The following LRP1B variants were observed in gnomAD, a reference collection of about 807,000 sequenced individuals.
LRP1B encodes the protein LDL receptor related protein 1B, also known as low-density lipoprotein receptor-related protein 1B.
Under a neutral mutation model 556.6 loss-of-function variants are expected in LRP1B, and 217 were observed. That is an observed-to-expected ratio of 0.39 (90% confidence interval 0.35 to 0.44). LRP1B has a LOEUF of 0.44. LRP1B is among the 20% of genes least tolerant of loss of function. The pLI is 1.00. For missense variants in LRP1B, 5,053 were observed against 5,620.8 expected, an observed-to-expected ratio of 0.90 and a Z score of 3.23; for synonymous variants, 2,047 against 1,865.8, an observed-to-expected ratio of 1.10 and a Z score of -2.50.
chr2:140,616,322 T>A (rs530116907), intron 41 of LRP1B, among the ~76,000 whole-genome samples: 1 of 152,056 alleles, frequency 6.6e-6, no homozygotes, highest in South Asian at 2.1e-4. Flanking sequence ...CTTAAGACAA[T>A]CACTTATATA....
intron 27 of LRP1B, among the ~76,000 whole-genome samples, chr2:140,865,087 T>G (rs1321732958): frequency 6.6e-6 from 1 of 152,056 alleles, no homozygotes; most frequent in East Asian, 1.9e-4. Flanking sequence ...TTGCATATGT[T>G]TAAGCTGTGG....
chr2:140,849,200 C>CAAAAAAAAAAAAAAAAAAAAAAA (rs70988447), intron 29 of LRP1B, among the ~76,000 whole-genome samples: 2 of 100,550 alleles, frequency 2.0e-5, no homozygotes, highest in Non-Finnish European at 1.9e-5. Context: ...ACTAAAAATA[C>CAAAAAAAAAAAAAAAAAAAAAAA]AAAAAAAAAA....
In LRP1B at chr2:141,452,877, C is replaced by T. The variant is rs1342404112; in HGVS notation, c.343+27519G>A. On this transcript the variant is annotated intron_variant, in intron 3 of 90. Coordinates refer to ENST00000389484, the MANE Select transcript of LRP1B (RefSeq NM_018557.3). ...TACTCTTTTACCATGGCTGTACTTC[C>T]TGGAGGTTATTGGATGACTATATTA... Among the ~76,000 whole-genome samples, 3 of 152,246 alleles carry T rather than the reference C, an allele frequency of 2.0e-5. No homozygotes were observed. In the East Asian group the frequency reaches 5.8e-4, roughly 29 times the overall value.
chr2:141,904,978 T>C (rs1454185792), intron 1 of LRP1B, among the ~76,000 whole-genome samples: 1 of 151,956 alleles, frequency 6.6e-6, no homozygotes, highest in African/African-American at 2.4e-5. Flanking sequence ...CTAATTAGAC[T>C]GAATTAAGGA....
At chr2:140,908,981 T>C (rs1254927677) in intron 21 of LRP1B, among the ~76,000 whole-genome samples, 1 of 152,142 alleles carries the variant, frequency 6.6e-6, no homozygotes, top group Non-Finnish European at 1.5e-5. Flanking sequence ...GTATTTTTAG[T>C]AGAGATGGGG....
intron 33 of LRP1B, among the ~76,000 whole-genome samples, chr2:140,771,964 T>C (rs1689327683): frequency 6.6e-6 from 1 of 152,156 alleles, no homozygotes. Flanking sequence ...GATGGTCTGA[T>C]GAGATTTAAT....
chr2:141,466,987 C>A (rs2105058253), intron 3 of LRP1B, among the ~76,000 whole-genome samples: 1 of 142,632 alleles, frequency 7.0e-6, no homozygotes, highest in East Asian at 2.1e-4. Flanking sequence ...AACTGGCTCC[C>A]CAGGAACTAT....
chr2:140,356,621 A>G, intron 74 of LRP1B, 145 bp from the exon 75 acceptor site: 1 of 579,418 alleles, frequency 1.7e-6, no homozygotes, highest in South Asian at 2.2e-5. Flanking sequence ...CTCTCCATAT[A>G]AGCCCCCATG....
intron 10 of LRP1B, among the ~76,000 whole-genome samples, chr2:141,053,020 T>C (rs1371291659): frequency 6.6e-6 from 1 of 152,072 alleles, no homozygotes; most frequent in Non-Finnish European, 1.5e-5. Flanking sequence ...ATTGTTTGTT[T>C]GTGTATGTAG....
At chr2:140,891,124 T>A (rs576870027) in intron 23 of LRP1B, among the ~76,000 whole-genome samples, 8 of 152,264 alleles carry the variant, frequency 5.3e-5, no homozygotes, top group African/African-American at 1.7e-4. Context: ...AGATGAGATA[T>A]GTACAAAATA....
At chr2:141,628,656 A>C (rs1688790299) in intron 2 of LRP1B, among the ~76,000 whole-genome samples, 1 of 151,950 alleles carries the variant, frequency 6.6e-6, no homozygotes, top group Non-Finnish European at 1.5e-5. Context: ...ACAAGTTTCT[A>C]ATTTTTTTTT....
At chr2:141,593,223 C>T (rs925050705) in intron 2 of LRP1B, among the ~76,000 whole-genome samples, 2 of 152,068 alleles carry the variant, frequency 1.3e-5, no homozygotes, top group South Asian at 2.1e-4. Flanking sequence ...ACAAACAAAG[C>T]ATAGAAAAAA....
At chr2:140,537,647 A>T (rs995183469) in intron 45 of LRP1B, among the ~76,000 whole-genome samples, 4 of 152,104 alleles carry the variant, frequency 2.6e-5, no homozygotes, top group Non-Finnish European at 2.9e-5. Context: ...AGTGGAAAGC[A>T]TGTGTACCTG....
chr2:140,904,267 T>C (rs1347906270), intron 22 of LRP1B, among the ~76,000 whole-genome samples: 3 of 152,098 alleles, frequency 2.0e-5, no homozygotes, highest in Non-Finnish European at 2.9e-5. Flanking sequence ...ATAATTGTCT[T>C]TGAAACCACA....
At chr2:142,075,133 T>C (rs1399070049) in intron 1 of LRP1B, among the ~76,000 whole-genome samples, 2 of 152,134 alleles carry the variant, frequency 1.3e-5, no homozygotes, top group Non-Finnish European at 2.9e-5. Flanking sequence ...TGCTGCATTA[T>C]TTGAAAATAG....
intron 21 of LRP1B, among the ~76,000 whole-genome samples, chr2:140,917,460 T>C (rs1694613288): frequency 6.6e-6 from 1 of 152,126 alleles, no homozygotes; most frequent in Non-Finnish European, 1.5e-5. Context: ...TGTCCTTCAG[T>C]GGGTAAACAG....
intron 3 of LRP1B, among the ~76,000 whole-genome samples, chr2:141,276,215 A>G (rs563708318): frequency 4.2e-4 from 64 of 152,324 alleles, no homozygotes; most frequent in African/African-American, 1.5e-3. Flanking sequence ...GTGGTTTCAC[A>G]TAACTATCTT....
chr2:141,495,013 C>A (rs1224838690), intron 2 of LRP1B, among the ~76,000 whole-genome samples: 3 of 151,894 alleles, frequency 2.0e-5, no homozygotes, highest in African/African-American at 4.8e-5. Flanking sequence ...AATTGCAATA[C>A]CCCTTTGGGA....
intron 17 of LRP1B, among the ~76,000 whole-genome samples, chr2:140,984,225 A>G (rs1395348759): frequency 6.6e-6 from 1 of 151,902 alleles, no homozygotes; most frequent in Non-Finnish European, 1.5e-5. Context: ...TTATCTTTTA[A>G]GAGAAATTTA....
Sources: allele counts gnomAD v4.1 joint callset (sites outside exome capture counted in the v4.1 genomes callset), GRCh38; gene constraint gnomAD v4.1.1; transcripts MANE v1.5; gene names NCBI Gene and HGNC (gene_info 2026-07-23, HGNC 2026-07-21).